Variants in MTRF1 observed in about 807,000 individuals in gnomAD.
MTRF1 encodes the protein mitochondrial translation release factor 1.
MTRF1 carries 51 observed loss-of-function variants against 62.9 expected under a neutral mutation model. The ratio of observed to expected loss-of-function variants is 0.81; its 90% confidence interval spans 0.65 to 1.02. MTRF1 has a LOEUF of 1.02. MTRF1 is among the 50% of genes least tolerant of loss of function. The pLI is 0.00. For synonymous variants in MTRF1, 158 were observed against 181.9 expected, an observed-to-expected ratio of 0.87 and a Z score of 1.06; for missense variants, 446 against 530.0, an observed-to-expected ratio of 0.84 and a Z score of 1.56.
chr13:41,274,534 A>T, the MTRF1 span, among the ~76,000 whole-genome samples: 1 of 152,150 alleles, frequency 6.6e-6, no homozygotes, highest in Non-Finnish European at 1.5e-5. Flanking sequence ...TAAGTACACC[A>T]TAAGGAATGC....
At chr13:41,279,190 A>G in the MTRF1 span, among the ~76,000 whole-genome samples, 602 of 152,068 alleles carry the variant, frequency 4.0e-3, 8 homozygotes, top group African/African-American at 0.014. Context: ...GGGTTTCACT[A>G]TGTTGGCCAG....
Position 41,216,873 on chromosome 13 carries a change from T to C in MTRF1, c.*242A>G, listed in dbSNP as rs185866500. 3.8e-6 allele frequency: 1 copy of C among 260,080 alleles called. No individual in the cohort carries two copies. The highest frequency in any genetic ancestry group is 2.2e-5 in the African/African-American group (1 of 45,212). The allele number at this position is 260,080 out of a possible 1,614,324, so 16.1% of individuals were successfully genotyped here. ...ATGACACAATCAATTCTCAATACTTTCTCTTTTCAATGATGCATGCTTATT... is the reference window on the plus strand; with the variant it reads ...ATGACACAATCAATTCTCAATACTTCCTCTTTTCAATGATGCATGCTTATT... On this transcript the variant is annotated 3_prime_UTR_variant, in exon 10 of 10. Transcript: ENST00000379480.
the MTRF1 span, among the ~76,000 whole-genome samples, chr13:41,270,719 C>G: frequency 2.0e-5 from 3 of 149,710 alleles, no homozygotes; most frequent in Non-Finnish European, 4.4e-5. Flanking sequence ...ATTATAAAGG[C>G]TTTTTATTAT....
the MTRF1 span, chr13:41,287,718 CT>C: frequency 5.8e-6 from 1 of 172,784 alleles, no homozygotes. Flanking sequence ...AAGGGCAGGG[CT>C]AAGAATGAGA....
the MTRF1 span, among the ~76,000 whole-genome samples, chr13:41,273,341 A>AT: frequency 6.7e-6 from 1 of 148,428 alleles, no homozygotes; most frequent in African/African-American, 2.5e-5. Flanking sequence ...AAAAAAAAAA[A>AT]GTTTAGAGGC....
chr13:41,254,400 T>G (rs2039459038), intron 3 of MTRF1, 129 bp downstream of exon 3: 6 of 483,298 alleles, frequency 1.2e-5, no homozygotes, highest in African/African-American at 2.0e-5. Context: ...GAGACCAGCT[T>G]GATCACTTAT....
At chr13:41,309,398 C>T in the MTRF1 span, among the ~76,000 whole-genome samples, 4 of 144,222 alleles carry the variant, frequency 2.8e-5, no homozygotes, top group Admixed American at 6.9e-5. Flanking sequence ...CATGTTGCCC[C>T]GGCTGGTCTC....
chr13:41,226,621 T>C (rs770770957), intron 7 of MTRF1, 53 bp from the exon 8 acceptor site: 41 of 1,592,738 alleles, frequency 2.6e-5, no homozygotes, highest in Admixed American at 1.7e-5. Context: ...CAAATTAAGA[T>C]AGAACCAAGG....
chr13:41,279,384 C>G, the MTRF1 span, among the ~76,000 whole-genome samples: 3 of 152,368 alleles, frequency 2.0e-5, no homozygotes, highest in Non-Finnish European at 4.4e-5. Context: ...TTGGCCCCCA[C>G]AGCCTCTTAA....
chr13:41,264,411 T>C (rs989469687), upstream of MTRF1, among the ~76,000 whole-genome samples: 1 of 152,250 alleles, frequency 6.6e-6, no homozygotes, highest in African/African-American at 2.4e-5. Context: ...ATTGTCCTAC[T>C]TTGACTAATC....
At chr13:41,300,594 A>AT in the MTRF1 span, among the ~76,000 whole-genome samples, 8 of 151,942 alleles carry the variant, frequency 5.3e-5, no homozygotes, top group Non-Finnish European at 1.2e-4. Context: ...TCAAAAAAAA[A>AT]AAAAAAAAAA....
chr13:41,270,433 CAT>C, the MTRF1 span, among the ~76,000 whole-genome samples: 2 of 152,140 alleles, frequency 1.3e-5, no homozygotes, highest in Admixed American at 6.5e-5. Context: ...GTACATAACA[CAT>C]AAATACATAG....
chr13:41,272,207 C>T, the MTRF1 span, among the ~76,000 whole-genome samples: 67 of 152,128 alleles, frequency 4.4e-4, no homozygotes, highest in Non-Finnish European at 7.8e-4. Flanking sequence ...AACAGAACAC[C>T]ACAAAAAGTG....
chr13:41,280,711 A>G, the MTRF1 span, among the ~76,000 whole-genome samples: 1 of 152,160 alleles, frequency 6.6e-6, no homozygotes, highest in African/African-American at 2.4e-5. Context: ...GCTGTGTTAC[A>G]CGCCACTGGT....
At chr13:41,278,072 G>A in the MTRF1 span, among the ~76,000 whole-genome samples, 1 of 152,184 alleles carries the variant, frequency 6.6e-6, no homozygotes, top group African/African-American at 2.4e-5. Flanking sequence ...TCATTATATT[G>A]GTGAATATCT....
intron 5 of MTRF1, among the ~76,000 whole-genome samples, chr13:41,249,729 T>C (rs12858651): frequency 7.3e-6 from 1 of 137,010 alleles, no homozygotes; most frequent in Non-Finnish European, 1.5e-5. Flanking sequence ...TGGGTTCAAG[T>C]GATTCCCATG....
At chr13:41,304,689 A>C in the MTRF1 span, among the ~76,000 whole-genome samples, 1 of 152,232 alleles carries the variant, frequency 6.6e-6, no homozygotes, top group South Asian at 2.1e-4. Flanking sequence ...ATGTAGATGA[A>C]GGATGCAAAC....
chr13:41,240,181 A>G, intron 6 of MTRF1, 80 bp downstream of exon 6: 1 of 1,379,600 alleles, frequency 7.2e-7, no homozygotes, highest in Admixed American at 2.4e-5. Context: ...AAAAAAGGAC[A>G]GATTTTCCTA....
chr13:41,287,440 C>T, the MTRF1 span, among the ~76,000 whole-genome samples: 1 of 152,204 alleles, frequency 6.6e-6, no homozygotes, highest in Admixed American at 6.5e-5. Context: ...ATGATCCACA[C>T]TGGAGACTAC....
Sources: allele counts gnomAD v4.1 joint callset (sites outside exome capture counted in the v4.1 genomes callset), GRCh38; gene constraint gnomAD v4.1.1; transcripts MANE v1.5; gene names NCBI Gene and HGNC (gene_info 2026-07-23, HGNC 2026-07-21).